The following DOCK8 variants were observed in gnomAD, a reference collection of about 807,000 sequenced individuals.
DOCK8 encodes dedicator of cytokinesis protein 8.
Under a neutral mutation model 245.6 loss-of-function variants are expected in DOCK8, and 141 were observed. The ratio of observed to expected loss-of-function variants is 0.57; its 90% CI spans 0.50 to 0.66. The LOEUF (loss-of-function observed/expected upper bound fraction) is 0.66, where lower values mean the gene tolerates loss of function less well. DOCK8 is among the 30% of genes least tolerant of loss of function. DOCK8 has a pLI of 0.00. For missense variants in DOCK8, 2,965 were observed against 2,603.4 expected (o/e 1.14, Z -3.02); for synonymous variants, 1,168 against 970.2 (o/e 1.20, Z -3.79).
At chr9:371,256 C>G (rs560659932) in intron 16 of DOCK8, among the ~76,000 whole-genome samples, 172 bp from the exon 17 acceptor site, 1 of 152,128 alleles carries the variant, frequency 6.6e-6, no homozygotes, top group East Asian at 1.9e-4. Flanking sequence ...GGAAGTGCAT[C>G]TAATAACATA....
chr9:429,156 AG>A (rs770764442), intron 35 of DOCK8, among the ~76,000 whole-genome samples: 10 of 152,072 alleles, frequency 6.6e-5, no homozygotes, highest in Non-Finnish European at 1.2e-4. Context: ...TAGTAGAGAC[AG>A]GGTTTCACCA....
At chr9:439,072 C>T (rs745968561) in intron 39 of DOCK8, among the ~76,000 whole-genome samples, 173 bp from the exon 40 acceptor site, 2 of 152,180 alleles carry the variant, frequency 1.3e-5, no homozygotes, top group Non-Finnish European at 2.9e-5. Flanking sequence ...CAGTGCGCCT[C>T]TTCTAAATGA....
rs72705610 is a variant in DOCK8, at chr9:399,361, T to A, written c.3234+102T>A. 18,942 of 855,642 alleles carry A rather than the reference T, an allele frequency of 0.022. 305 individuals are homozygous for A. The highest frequency in any genetic ancestry group is 0.029 in the Non-Finnish European group (14,998 of 511,904). 53.0% of individuals were successfully genotyped at this position (855,642 alleles called of 1,614,324 possible). ...GCACGCTGTCTTCTTCATTACTGAG[T>A]TGGCATGAATCCTACACATCCTGTG... On this transcript the variant is annotated intron_variant, in intron 26 of 47. Transcript: ENST00000432829.
chr9:438,022 C>T (rs1386755386), intron 39 of DOCK8, among the ~76,000 whole-genome samples: 1 of 152,196 alleles, frequency 6.6e-6, no homozygotes, highest in African/African-American at 2.4e-5. Flanking sequence ...CTTCTGTTGT[C>T]ACAGAAACAT....
chr9:423,583 G>A (rs1272303448), intron 33 of DOCK8, among the ~76,000 whole-genome samples: 1 of 152,118 alleles, frequency 6.6e-6, no homozygotes, highest in Non-Finnish European at 1.5e-5. Context: ...TGGGACTTTG[G>A]GGAGTCACAT....
At chr9:331,202 G>A (rs1311514320) in intron 9 of DOCK8, among the ~76,000 whole-genome samples, 1 of 152,112 alleles carries the variant, frequency 6.6e-6, no homozygotes, top group African/African-American at 2.4e-5. Flanking sequence ...CCATATAGAA[G>A]GTACTCAACA....
intron 42 of DOCK8, among the ~76,000 whole-genome samples, chr9:443,151 G>A (rs1479327032): frequency 6.6e-6 from 1 of 152,216 alleles, no homozygotes; most frequent in Non-Finnish European, 1.5e-5. Context: ...AGTAAAGAGT[G>A]TGATACCCCA....
At chr9:440,273 G>C (rs2057052663) in intron 40 of DOCK8, among the ~76,000 whole-genome samples, 1 of 152,134 alleles carries the variant, frequency 6.6e-6, no homozygotes, top group African/African-American at 2.4e-5. Flanking sequence ...GCCCATCTTG[G>C]CCTCCCAAAG....
chr9:353,704 A>C (rs559861963), intron 14 of DOCK8, among the ~76,000 whole-genome samples: 1 of 152,340 alleles, frequency 6.6e-6, no homozygotes, highest in South Asian at 2.1e-4. Flanking sequence ...AGCATAGTCC[A>C]GATTTGGACT....
chr9:415,844 G>C (rs2131608517), intron 29 of DOCK8, among the ~76,000 whole-genome samples: 1 of 152,288 alleles, frequency 6.6e-6, no homozygotes, highest in South Asian at 2.1e-4. Context: ...CCTCTTTATA[G>C]TCAGTCATCC....
At position 325,717 on chromosome 9, in the gene DOCK8, G is replaced by C. The variant is rs563721489; in HGVS notation, c.874G>C (p.Asp292His). ...CCTGTTTGCCAGCATTGCCCTCTAC[G>C]ATGTTAAAGAAAGGAAAAAGGTAAG... is the stretch of plus-strand genomic sequence containing the variant. ...EPLFASIALY[D>H]VKERKKISEN... Residue 292 changes from aspartate to histidine, a missense_variant, in exon 8 of 48, where the codon GAT becomes CAT. By Grantham distance (81) the Asp-to-His change is moderately conservative (BLOSUM62 -1). Transcript: ENST00000432829. 1 of 1,613,952 alleles carries C rather than the reference G, an allele frequency of 6.2e-7. No homozygotes were observed. Among genetic ancestry groups the C allele is most frequent in the South Asian group, 1.1e-5 (1 of 91,078 alleles).
intron 39 of DOCK8, among the ~76,000 whole-genome samples, chr9:435,766 A>C (rs1490311537): frequency 3.3e-5 from 5 of 152,252 alleles, no homozygotes; most frequent in Admixed American, 3.3e-4. Flanking sequence ...CTCAGTGGCC[A>C]CTTAAAGTGT....
intron 39 of DOCK8, 59 bp downstream of exon 39, chr9:435,034 C>G: frequency 6.3e-7 from 1 of 1,589,506 alleles, no homozygotes; most frequent in Non-Finnish European, 8.6e-7. Flanking sequence ...CGATTTTGTC[C>G]CCCAGCCCCA....
chr9:352,009 G>A (rs917031673), intron 14 of DOCK8, among the ~76,000 whole-genome samples: 2 of 152,214 alleles, frequency 1.3e-5, no homozygotes, highest in Admixed American at 1.3e-4. Context: ...CATGTTTGGT[G>A]GGCGTCGAGC....
chr9:378,019 T>C (rs1272906741), intron 20 of DOCK8, among the ~76,000 whole-genome samples: 4 of 152,202 alleles, frequency 2.6e-5, no homozygotes, highest in African/African-American at 9.6e-5. Flanking sequence ...GCAGACGTCT[T>C]TTGGGTACCA....
chr9:452,142 T>C, intron 46 of DOCK8, 25 bp downstream of exon 46: 1 of 1,484,292 alleles, frequency 6.7e-7, no homozygotes, highest in Non-Finnish European at 9.4e-7. Context: ...GGCTGGGAAT[T>C]TCAGTAGAGC....
At chr9:423,867 C>A (rs2131666278) in intron 33 of DOCK8, among the ~76,000 whole-genome samples, 1 of 152,282 alleles carries the variant, frequency 6.6e-6, no homozygotes, top group East Asian at 1.9e-4. Flanking sequence ...CTAAGTAGGC[C>A]TGTTTTGCCT....
Position 428,373 on chromosome 9 carries a change from T to C in DOCK8, c.4350T>C (p.Ala1450=), listed in dbSNP as rs1479696032. 6.2e-7 allele frequency: 1 copy of C among 1,614,092 alleles called. No homozygotes were observed. The highest frequency in any genetic ancestry group is 8.5e-7 in the Non-Finnish European group (1 of 1,180,046). ...MQENIIQASS[A]LDCKDSLLGG... is the part of the protein sequence containing the mutation. ...TTCCATTCCCCCAGGCGAGCTCGGC[T>C]CTGGACTGTAAAGACAGCCTGCTGG... The change falls in exon 35 of 48, where the codon GCT becomes GCC. Residue 1450 remains alanine (A), a synonymous_variant. Transcript: ENST00000432829.
intron 1 of DOCK8, among the ~76,000 whole-genome samples, chr9:228,520 A>G (rs1248534075): frequency 6.6e-6 from 1 of 152,062 alleles, no homozygotes; most frequent in Non-Finnish European, 1.5e-5. Context: ...TACTTTTATA[A>G]TTATGTTTTT....
Sources: gnomAD v4.1 joint callset for allele counts (sites outside exome capture counted in the v4.1 genomes callset) on GRCh38, gnomAD v4.1.1 for gene constraint, MANE v1.5 for transcripts, NCBI Gene and HGNC (gene_info 2026-07-23, HGNC 2026-07-21) for gene names.